Variants in CRACD observed in about 807,000 individuals in gnomAD.
CRACD encodes capping protein-inhibiting regulator of actin dynamics.
In CRACD, 56 loss-of-function variants were observed where a neutral mutation model predicts 106.8. The observed-to-expected ratio is 0.52, with a 90% confidence interval of 0.42 to 0.66. The LOEUF (loss-of-function observed/expected upper bound fraction) is 0.66. CRACD is among the 30% of genes least tolerant of loss of function. The pLI is 0.00. For synonymous variants in CRACD, 754 were observed against 670.8 expected (o/e 1.12, Z -1.92); for missense variants, 1,730 against 1,623.2 (o/e 1.07, Z -1.13).
chr4:56,153,971 A>T (rs1735678525), intron 1 of CRACD, among the ~76,000 whole-genome samples: 1 of 152,164 alleles, frequency 6.6e-6, no homozygotes, highest in Admixed American at 6.5e-5. Context: ...TCTTCCTAGT[A>T]CTTAACTAGG....
chr4:56,313,168 C>T, intron 6 of CRACD, 29 bp from the exon 7 acceptor site: 1 of 1,596,100 alleles, frequency 6.3e-7, no homozygotes. Flanking sequence ...CTGATCCCAA[C>T]TGACTTTCTA....
intron 4 of CRACD, chr4:56,301,119 T>C: frequency 1.6e-6 from 1 of 643,732 alleles, no homozygotes; most frequent in Non-Finnish European, 2.4e-6. Flanking sequence ...TGTTCATTCT[T>C]TGAGGAGGGA....
chr4:56,183,189 C>A (rs569811773), intron 2 of CRACD, among the ~76,000 whole-genome samples: 2 of 148,978 alleles, frequency 1.3e-5, no homozygotes, highest in Non-Finnish European at 3.0e-5. Flanking sequence ...GCCAAGATTG[C>A]GCCGTTGCAC....
rs141908654 is a variant in CRACD at position 56,051,224 on chromosome 4, A to T, written c.-336+1925A>T. 1.4e-3 allele frequency among the ~76,000 whole-genome samples: 208 copies of T among 152,336 alleles called. 3 individuals are homozygous for T. The highest frequency in any genetic ancestry group is 4.6e-3 in the African/African-American group (193 of 41,578). ...GAAAGAATGAATAGGTGAAAAAAAT[A>T]CAAGTGGATAAAACGTGTACAGATG... On this transcript the variant is annotated intron_variant, in intron 1 of 10. Transcript: ENST00000682029.
intron 1 of CRACD, among the ~76,000 whole-genome samples, chr4:56,171,772 G>A (rs1056077984): frequency 3.3e-5 from 5 of 152,118 alleles, no homozygotes; most frequent in East Asian, 1.9e-4. Flanking sequence ...ATCTAGGGGC[G>A]GTGGTGGGGA....
intron 3 of CRACD, among the ~76,000 whole-genome samples, chr4:56,285,352 A>AT (rs1743275784): frequency 6.6e-6 from 1 of 152,188 alleles, no homozygotes; most frequent in South Asian, 2.1e-4. Flanking sequence ...AGAAGACCCT[A>AT]TGCGGTAATA....
chr4:56,145,429 G>T (rs1296816380), intron 1 of CRACD, among the ~76,000 whole-genome samples: 1 of 151,786 alleles, frequency 6.6e-6, no homozygotes, highest in African/African-American at 2.4e-5. Flanking sequence ...TTAAGTAGAA[G>T]GTTTAGTATG....
chr4:56,200,371 C>T (rs972567742), intron 2 of CRACD, among the ~76,000 whole-genome samples: 5 of 152,130 alleles, frequency 3.3e-5, no homozygotes, highest in Non-Finnish European at 7.3e-5. Context: ...AAAGAATGGA[C>T]ATCTCTAACT....
chr4:56,309,539 T>G (rs1164086286), intron 5 of CRACD, among the ~76,000 whole-genome samples: 1 of 151,966 alleles, frequency 6.6e-6, no homozygotes, highest in Non-Finnish European at 1.5e-5. Context: ...CAACATTTTG[T>G]AGAGACCTCA....
chr4:56,109,020 T>C (rs1734036306), intron 1 of CRACD, among the ~76,000 whole-genome samples: 1 of 152,158 alleles, frequency 6.6e-6, no homozygotes, highest in Admixed American at 6.5e-5. Context: ...CAGAGTGTTC[T>C]CTGACTCCTC....
At chr4:56,159,098 G>A (rs1004789255) in intron 1 of CRACD, among the ~76,000 whole-genome samples, 79 of 152,214 alleles carry the variant, frequency 5.2e-4, no homozygotes, top group African/African-American at 1.9e-3. Context: ...CCTCTGGGGA[G>A]GAATCACTAC....
At chr4:56,312,976 T>C (rs1284294346) in intron 6 of CRACD, among the ~76,000 whole-genome samples, 3 of 152,188 alleles carry the variant, frequency 2.0e-5, no homozygotes, top group African/African-American at 4.8e-5. Flanking sequence ...TTATATGACT[T>C]TTACAAGTTA....
chr4:56,230,652 G>C (rs1258784103), intron 2 of CRACD, among the ~76,000 whole-genome samples: 1 of 152,180 alleles, frequency 6.6e-6, no homozygotes, highest in Non-Finnish European at 1.5e-5. Flanking sequence ...CTGTCACAGA[G>C]GGCTGAGCTT....
chr4:56,192,170 T>A (rs1347963667), intron 2 of CRACD, among the ~76,000 whole-genome samples: 1 of 152,170 alleles, frequency 6.6e-6, no homozygotes, highest in Non-Finnish European at 1.5e-5. Flanking sequence ...GGCGGGAGGA[T>A]CACCTGCGGT....
intron 2 of CRACD, among the ~76,000 whole-genome samples, chr4:56,183,317 A>C (rs1032874652): frequency 6.7e-6 from 1 of 149,930 alleles, no homozygotes; most frequent in Non-Finnish European, 1.5e-5. Flanking sequence ...AAAGCCTTGA[A>C]TATATTTTGG....
At chr4:56,061,228 T>A (rs914157021) in intron 1 of CRACD, among the ~76,000 whole-genome samples, 1 of 152,210 alleles carries the variant, frequency 6.6e-6, no homozygotes, top group Admixed American at 6.5e-5. Context: ...TGGAGTGCAG[T>A]GGCGCAATCA....
At chr4:56,078,163 G>A (rs1258241309) in intron 1 of CRACD, among the ~76,000 whole-genome samples, 1 of 152,102 alleles carries the variant, frequency 6.6e-6, no homozygotes, top group Non-Finnish European at 1.5e-5. Flanking sequence ...TTGTGGAATT[G>A]TAAATACTTT....
At chr4:56,110,110 G>C (rs182447872) in intron 1 of CRACD, among the ~76,000 whole-genome samples, 75 of 152,252 alleles carry the variant, frequency 4.9e-4, no homozygotes, top group African/African-American at 1.7e-3. Context: ...GGGCAAATCA[G>C]GTTACATACC....
chr4:56,066,502 C>T (rs1459255768), intron 1 of CRACD, among the ~76,000 whole-genome samples: 1 of 152,152 alleles, frequency 6.6e-6, no homozygotes, highest in Non-Finnish European at 1.5e-5. Context: ...ATGTTCATGC[C>T]ACTGCACTCC....
Sources: allele counts gnomAD v4.1 joint callset (sites outside exome capture counted in the v4.1 genomes callset), GRCh38; gene constraint gnomAD v4.1.1; transcripts MANE v1.5; gene names NCBI Gene and HGNC (gene_info 2026-07-23, HGNC 2026-07-21).